The following KLK2 variants were observed in gnomAD, a reference collection of about 807,000 sequenced individuals.
KLK2 encodes kallikrein-2.
In KLK2, 17 loss-of-function variants were observed where a neutral mutation model predicts 23.0. The observed-to-expected ratio is 0.74, with a 90% CI of 0.51 to 1.11. The LOEUF (loss-of-function observed/expected upper bound fraction) is 1.11, where lower values mean the gene tolerates loss of function less well. Ranked by LOEUF, KLK2 falls within the 50% of genes least tolerant of loss-of-function variation. KLK2 has a pLI of 0.00. For synonymous variants in KLK2, 140 were observed against 124.7 expected (o/e 1.12, Z -0.82); for missense variants, 330 against 325.9 (o/e 1.01, Z -0.10).
chr19:50,876,128 T>G, intron 2 of KLK2: 2 of 314,518 alleles, frequency 6.4e-6, no homozygotes, highest in Non-Finnish European at 1.2e-5. Flanking sequence ...CCTGGTTCTG[T>G]TCTTTCTCCC....
At chr19:50,877,045 G>A (rs2090296890) in intron 4 of KLK2, 37 bp downstream of exon 4, 1 of 1,613,894 alleles carries the variant, frequency 6.2e-7, no homozygotes, top group African/African-American at 1.3e-5. Flanking sequence ...GGAGGGGAAA[G>A]GTGAGTGAAG....
chr19:50,879,137 T>A lies in KLK2; in HGVS notation c.*578T>A, dbSNP rs145052361. On this transcript the variant is annotated 3_prime_UTR_variant, in exon 5 of 5. Transcript: ENST00000325321. ...ACTAGGGGGAGAAACTGAAAGCTGATTAATTACAGGAGGTTTGTTCAGGTC... is the reference window on the plus strand; with the variant it reads ...ACTAGGGGGAGAAACTGAAAGCTGAATAATTACAGGAGGTTTGTTCAGGTC... The A allele has an allele frequency of 9.4e-5, 22 of 233,108 alleles. No homozygotes were observed. In the East Asian group the frequency reaches 1.3e-3, roughly 13 times the overall value. 14.4% of individuals were successfully genotyped at this position (233,108 alleles called of 1,614,324 possible). A position where few individuals can be genotyped will look rare whatever the true frequency, so the allele number is the denominator to read the frequency against.
In KLK2 at chr19:50,878,799, C is replaced by T. The variant is rs949220843; in HGVS notation, c.*240C>T. The T allele has an allele frequency of 3.7e-5, 15 of 409,618 alleles. No homozygotes were observed. In the South Asian group the frequency reaches 4.3e-4, roughly 12 times the overall value. 25.4% of individuals were successfully genotyped at this position (409,618 alleles called of 1,614,324 possible). On this transcript the variant is annotated 3_prime_UTR_variant, in exon 5 of 5. Coordinates refer to ENST00000325321, the MANE Select transcript of KLK2 (RefSeq NM_005551.5). Reference sequence around the variant, plus strand: ...ATGGGTATAATTTCGTCCTCTCCTTCGGAACACTGGCTGTCTCTGAAGACT... The same window carrying T: ...ATGGGTATAATTTCGTCCTCTCCTTTGGAACACTGGCTGTCTCTGAAGACT...
intron 4 of KLK2, chr19:50,877,310 T>G (rs2090299990): frequency 2.3e-6 from 1 of 439,548 alleles, no homozygotes; most frequent in Non-Finnish European, 4.1e-6. Context: ...GAGAGCAGCC[T>G]CTCCCTCCTG....
Position 50,876,982 on chromosome 19 carries a change from T to C in KLK2, c.604T>C (p.Trp202Arg), listed in dbSNP as rs745610159. ...AGAGTTCATGTTGTGTGCTGGGCTC[T>C]GGACAGGTGGTAAAGACACTTGTGG... ...VTEFMLCAGL[W>R]TGGKDTCGGD... The change falls in exon 4 of 5, where the codon TGG becomes CGG. Residue 202 changes from tryptophan to arginine, a missense_variant. Trp to Arg is a moderately radical substitution (Grantham distance 101). Coordinates refer to ENST00000325321, the MANE Select transcript of KLK2 (RefSeq NM_005551.5). 2.5e-6 allele frequency: 4 copies of C among 1,614,186 alleles called. No individual in the cohort carries two copies. The South Asian group carries it at 3.3e-5, about 13-fold the overall frequency.
chr19:50,876,557 C>G lies in KLK2; in HGVS notation c.292C>G (p.His98Asp). The change falls in exon 3 of 5, where the codon CAC (histidine) becomes GAC (aspartate). Residue 98 changes from histidine to aspartate, a missense_variant. By Grantham distance (81) the His-to-Asp change is moderately conservative. Coordinates refer to ENST00000325321, the MANE Select transcript of KLK2 (RefSeq NM_005551.5). ...GGTCCCTGTCAGCCACAGCTTCCCA[C>G]ACCCGCTCTACAATATGAGCCTTCT... ...QRVPVSHSFPHPLYNMSLLKH... is the reference protein window; with the variant it reads ...QRVPVSHSFPDPLYNMSLLKH... 6.2e-7 allele frequency: 1 copy of G among 1,614,228 alleles called. No individual in the cohort carries two copies. The highest frequency in any genetic ancestry group is 1.1e-5 in the South Asian group (1 of 91,088).
intron 4 of KLK2, chr19:50,877,568 TGAG>T (rs1185089863): frequency 6.3e-6 from 1 of 158,216 alleles, no homozygotes; most frequent in Non-Finnish European, 1.4e-5. Flanking sequence ...CGGGAGGGCG[TGAG>T]GAGGAGCGAG....
rs2090330035 is a variant in KLK2 at position 50,880,144 on chromosome 19, T to TAA, written c.*1585_*1586insAA. 1 of 229,604 alleles carries TAA rather than the reference T, an allele frequency of 4.4e-6. No homozygotes were observed. The highest frequency in any genetic ancestry group is 2.2e-5 in the African/African-American group (1 of 45,122). 14.2% of individuals were successfully genotyped at this position (229,604 alleles called of 1,614,324 possible). On this transcript the variant is annotated 3_prime_UTR_variant, in exon 5 of 5. Coordinates refer to ENST00000325321, the MANE Select transcript of KLK2 (RefSeq NM_005551.5). ...GATTACCACCCTGGGGTTATGAAGA[T>TAA]GGTTGAACACCCCACACATAGCACC...
In KLK2 at chr19:50,874,868, A is replaced by G. The variant is rs2090266608; in HGVS notation, c.194A>G (p.His65Arg). 2 of 1,612,676 alleles carry G rather than the reference A, an allele frequency of 1.2e-6. No individual in the cohort carries two copies. The highest frequency in any genetic ancestry group is 1.3e-5 in the African/African-American group (1 of 74,990). ...VHPQWVLTAA[H>R]CLKKNSQVWL... Reference sequence around the variant, plus strand: ...CCCCAGTGGGTGCTCACAGCTGCCCATTGCCTAAAGAAGTAAGTAGGACCC... The same window carrying G: ...CCCCAGTGGGTGCTCACAGCTGCCCGTTGCCTAAAGAAGTAAGTAGGACCC... Residue 65 changes from histidine (H) to arginine (R), a missense_variant, in exon 2 of 5, where the codon CAT becomes CGT. His to Arg is a conservative substitution (Grantham distance 29, BLOSUM62 0). Coordinates refer to ENST00000325321, the MANE Select transcript of KLK2 (RefSeq NM_005551.5).
At chr19:50,874,625 C>T in intron 1 of KLK2, 96 bp from the exon 2 acceptor site, 1 of 1,010,502 alleles carries the variant, frequency 9.9e-7, no homozygotes, top group Non-Finnish European at 1.5e-6. Flanking sequence ...CAGTCCTGGT[C>T]CTCTGCCCCC....
chr19:50,875,016 C>T (rs972417271), intron 2 of KLK2, 136 bp downstream of exon 2: 3 of 1,401,322 alleles, frequency 2.1e-6, no homozygotes, highest in Admixed American at 3.0e-5. Flanking sequence ...CCAGGTCGCA[C>T]CCGGAGGCAG....
chr19:50,874,667 C>T lies in KLK2; in HGVS notation c.47-54C>T, dbSNP rs1461151549. The T allele has an allele frequency of 6.5e-6, 10 of 1,543,618 alleles. No homozygotes were observed. The East Asian group carries it at 9.1e-5, about 14-fold the overall frequency. ...CTTCAAACCCACAGCTCAGCTCCCT[C>T]CCCTATCCAATTCTTTTGGGTCTGA... is the stretch of plus-strand genomic sequence containing the variant. On this transcript the variant is annotated intron_variant, in intron 1 of 4. Transcript: ENST00000325321.
At position 50,879,040 on chromosome 19, in the gene KLK2, G is replaced by A. The variant is rs1465435639; in HGVS notation, c.*481G>A. 1 of 234,038 alleles carries A rather than the reference G, an allele frequency of 4.3e-6. No individual in the cohort carries two copies. Among genetic ancestry groups the A allele is most frequent in the Non-Finnish European group, 8.4e-6 (1 of 118,498 alleles). 14.5% of individuals were successfully genotyped at this position (234,038 alleles called of 1,614,324 possible). A position where few individuals can be genotyped will look rare whatever the true frequency, so the allele number is the denominator to read the frequency against. ...GTAAACATAGCCCACGCTGTCCTGG[G>A]GGCACTGGGAAGCCTAGATAAGGCC... On this transcript the variant is annotated 3_prime_UTR_variant, in exon 5 of 5. Transcript: ENST00000325321.
In KLK2 at chr19:50,879,957, C is replaced by G. The variant is rs925306467; in HGVS notation, c.*1398C>G. Reference sequence around the variant, plus strand: ...GAGGGAAAGGGAGAGGATGAGGAAGCCCCCCTGGGGATTTGGTTTGGTCTT... The same window carrying G: ...GAGGGAAAGGGAGAGGATGAGGAAGGCCCCCTGGGGATTTGGTTTGGTCTT... On this transcript the variant is annotated 3_prime_UTR_variant, in exon 5 of 5. Coordinates refer to ENST00000325321, the MANE Select transcript of KLK2 (RefSeq NM_005551.5). The G allele has an allele frequency of 6.1e-5, 14 of 230,110 alleles. No homozygotes were observed. In the Admixed American group the frequency reaches 6.8e-4, roughly 11 times the overall value. The allele number at this position is 230,110 out of a possible 1,614,324, so 14.3% of individuals were successfully genotyped here. A position where few individuals can be genotyped will look rare whatever the true frequency, so the allele number is the denominator to read the frequency against.
intron 4 of KLK2, chr19:50,877,336 T>G: frequency 5.0e-6 from 2 of 398,540 alleles, no homozygotes; most frequent in East Asian, 4.7e-5. Flanking sequence ...CCCATGCTGG[T>G]GAGGGGCACT....
At chr19:50,877,231 C>T in intron 4 of KLK2, 1 of 611,028 alleles carries the variant, frequency 1.6e-6, no homozygotes, top group South Asian at 2.0e-5. Context: ...GTGTTGAGCA[C>T]ATGCTTACTG....
intron 4 of KLK2, 57 bp downstream of exon 4, chr19:50,877,065 C>G (rs1318284696): frequency 6.2e-7 from 1 of 1,610,960 alleles, no homozygotes; most frequent in East Asian, 2.2e-5. Flanking sequence ...GACCCTAATT[C>G]TGGGCTGCAA....
chr19:50,877,362 C>A, intron 4 of KLK2: 1 of 325,076 alleles, frequency 3.1e-6, no homozygotes, highest in Non-Finnish European at 5.8e-6. Flanking sequence ...GAACAGTGGA[C>A]CCAACATGGA....
intron 4 of KLK2, 138 bp downstream of exon 4, chr19:50,877,146 C>A: frequency 9.4e-7 from 1 of 1,061,000 alleles, no homozygotes; most frequent in Non-Finnish European, 1.4e-6. Context: ...CATGCCTCAT[C>A]TGCCGCCCTC....
Sources: gnomAD v4.1 joint callset for allele counts on GRCh38, gnomAD v4.1.1 for gene constraint, MANE v1.5 for transcripts, NCBI Gene and HGNC (gene_info 2026-07-23, HGNC 2026-07-21) for gene names.